Variants in FER1L6 observed in about 807,000 individuals in gnomAD.
FER1L6 encodes the protein fer-1 like family member 6.
FER1L6 carries 177 observed loss-of-function variants against 219.2 expected under a neutral mutation model. That is an observed-to-expected ratio of 0.81 (90% CI 0.71 to 0.91). FER1L6 has a LOEUF of 0.91. FER1L6 is among the 40% of genes least tolerant of loss of function. The pLI, the probability that FER1L6 is intolerant of heterozygous loss-of-function variation, is 0.00. For missense variants in FER1L6, 2,153 were observed against 2,259.9 expected (o/e 0.95, Z 0.96); for synonymous variants, 768 against 824.3 (o/e 0.93, Z 1.17).
At chr8:124,064,956 AAC>A (rs895394905) in intron 26 of FER1L6, among the ~76,000 whole-genome samples, 1 of 152,254 alleles carries the variant, frequency 6.6e-6, no homozygotes. Context: ...AGAGGAGGAA[AAC>A]AGTTAGTGAC....
Position 124,082,367 on chromosome 8 carries a change from G to T in FER1L6, c.4300G>T (p.Asp1434Tyr). 6.2e-7 allele frequency: 1 copy of T among 1,614,096 alleles called. No homozygotes were observed. The highest frequency in any genetic ancestry group is 8.5e-7 in the Non-Finnish European group (1 of 1,179,952). ...CTATGACCATGACATGATTGGCACA[G>T]ATGACCTTATTGGTGAGACCAAGAT... ...LIYDHDMIGT[D>Y]DLIGETKIDL... Residue 1434 changes from aspartate (D) to tyrosine (Y), a missense_variant, in exon 33 of 41, where the codon GAT becomes TAT. By Grantham distance (160) the Asp-to-Tyr change is radical. Transcript: ENST00000522917.
intron 1 of FER1L6, among the ~76,000 whole-genome samples, chr8:123,919,951 G>C (rs74480748): frequency 0.038 from 5,849 of 152,284 alleles, 347 homozygotes; most frequent in African/African-American, 0.13. Context: ...GTGGGAGGAG[G>C]AGGAGGAACA....
intron 12 of FER1L6, among the ~76,000 whole-genome samples, chr8:123,989,092 G>A (rs1816733443): frequency 1.3e-5 from 2 of 152,210 alleles, no homozygotes; most frequent in South Asian, 4.1e-4. Context: ...ATGATCATAT[G>A]GTTTTTGTCC....
At chr8:123,995,250 T>A (rs989605811) in intron 12 of FER1L6, among the ~76,000 whole-genome samples, 1 of 152,192 alleles carries the variant, frequency 6.6e-6, no homozygotes, top group Admixed American at 6.5e-5. Context: ...TTGAAAAAAC[T>A]TGTGTTTTTC....
intron 1 of FER1L6, among the ~76,000 whole-genome samples, chr8:123,917,546 A>G (rs1331691079): frequency 1.3e-5 from 2 of 152,192 alleles, no homozygotes; most frequent in Non-Finnish European, 2.9e-5. Flanking sequence ...CGTGTTCCAG[A>G]TGTTATCTCC....
At chr8:124,026,347 A>G (rs906141090) in intron 18 of FER1L6, among the ~76,000 whole-genome samples, 1 of 152,196 alleles carries the variant, frequency 6.6e-6, no homozygotes, top group African/African-American at 2.4e-5. Flanking sequence ...GCTATAAAAT[A>G]ATTATTCCTT....
chr8:124,039,983 C>T lies in FER1L6; in HGVS notation c.2566C>T (p.Leu856Phe), dbSNP rs761214279. 1 of 1,614,006 alleles carries T rather than the reference C, an allele frequency of 6.2e-7. No individual in the cohort carries two copies. The highest frequency in any genetic ancestry group is 1.3e-5 in the African/African-American group (1 of 74,922). ...LSDPFAKVTF[L>F]SHCQTTKIIS... ...AGACCCTTTTGCCAAAGTCACGTTC[C>T]TTTCTCACTGCCAGACAACAAAGGT... is the stretch of plus-strand genomic sequence containing the variant. Residue 856 changes from leucine to phenylalanine, a missense_variant, in exon 20 of 41, where the codon CTT (leucine) becomes TTT (phenylalanine). Coordinates refer to ENST00000522917, the MANE Select transcript of FER1L6 (RefSeq NM_001039112.2).
intron 21 of FER1L6, chr8:124,047,682 A>C (rs949020960): frequency 6.6e-6 from 1 of 152,140 alleles, no homozygotes; most frequent in African/African-American, 2.4e-5. Context: ...AATTCAGCTG[A>C]CATTATTGAC....
intron 1 of FER1L6, among the ~76,000 whole-genome samples, chr8:123,904,210 T>C (rs1812909421): frequency 1.5e-5 from 2 of 131,908 alleles, no homozygotes; most frequent in South Asian, 5.0e-4. Context: ...TATTTTAGAA[T>C]AAACTCTGTA....
chr8:123,879,064 T>C (rs1221686060), intron 1 of FER1L6, among the ~76,000 whole-genome samples: 1 of 152,194 alleles, frequency 6.6e-6, no homozygotes, highest in African/African-American at 2.4e-5. Flanking sequence ...AGAAAGTGCC[T>C]AATAATTTTC....
At chr8:124,070,759 C>G (rs1256310936) in intron 30 of FER1L6, among the ~76,000 whole-genome samples, 161 bp downstream of exon 30, 1 of 152,126 alleles carries the variant, frequency 6.6e-6, no homozygotes, top group Admixed American at 6.5e-5. Flanking sequence ...TAGCCCCAGT[C>G]TTTTAAGATA....
intron 1 of FER1L6, among the ~76,000 whole-genome samples, chr8:123,949,697 T>C (rs1461963893): frequency 6.6e-6 from 1 of 152,164 alleles, no homozygotes; most frequent in East Asian, 1.9e-4. Flanking sequence ...TTACTTCCAC[T>C]TGCACATCAG....
intron 8 of FER1L6, 33 bp from the exon 9 acceptor site, chr8:123,975,865 G>T: frequency 6.7e-7 from 1 of 1,501,722 alleles, no homozygotes; most frequent in Middle Eastern, 1.8e-4. Context: ...TCAATTGAGA[G>T]AGCTTTTTCA....
In FER1L6 at chr8:124,072,010, G is replaced by GAGTT. The variant is rs1397188549; in HGVS notation, c.4092+382_4092+385dup. Reference sequence around the variant, plus strand: ...GTGTCTCCAACTACAGTCACCTTAGGAGTTAGGGGTTCAACATATAGGGGT... The same window carrying GAGTT: ...GTGTCTCCAACTACAGTCACCTTAGGAGTTAGTTAGGGGTTCAACATATAGGGGT... On this transcript the variant is annotated intron_variant, in intron 31 of 40. Coordinates refer to ENST00000522917, the MANE Select transcript of FER1L6 (RefSeq NM_001039112.2). 3.9e-5 allele frequency among the ~76,000 whole-genome samples: 6 copies of GAGTT among 152,264 alleles called. No homozygotes were observed. The South Asian group carries it at 1.0e-3, about 26-fold the overall frequency.
Position 123,924,233 on chromosome 8 carries a change from CAAAAAA to C in FER1L6, c.-7-31741_-7-31736del, listed in dbSNP as rs71289625. Reference sequence around the variant, plus strand: ...TTGGGTGACAGAGGAGACTCAGTATCAAAAAAAAAAAAAAAAAAAAAAAGTATATGG... The same window carrying C: ...TTGGGTGACAGAGGAGACTCAGTATCAAAAAAAAAAAAAAAAAGTATATGG... On this transcript the variant is annotated intron_variant, in intron 1 of 40. Coordinates refer to ENST00000522917, the MANE Select transcript of FER1L6 (RefSeq NM_001039112.2). Among the ~76,000 whole-genome samples, 229 of 66,960 alleles carry C rather than the reference CAAAAAA, an allele frequency of 3.4e-3. 1 individual carries two copies. Among genetic ancestry groups the C allele is most frequent in the South Asian group, 0.028 (41 of 1,482 alleles). The allele number at this position is 66,960 out of a possible 152,430, so 43.9% of individuals were successfully genotyped here. A position where few individuals can be genotyped will look rare whatever the true frequency, so the allele number is the denominator to read the frequency against.
chr8:124,069,394 A>T lies in FER1L6; in HGVS notation c.3753A>T (p.Glu1251Asp), dbSNP rs778837011. 6.2e-7 allele frequency: 1 copy of T among 1,613,026 alleles called. No individual in the cohort carries two copies. Among genetic ancestry groups the T allele is most frequent in the Non-Finnish European group, 8.5e-7 (1 of 1,179,676 alleles). Residue 1251 changes from glutamate to aspartate, a missense_variant, in exon 29 of 41, where the codon GAA becomes GAT. Glu to Asp is a conservative substitution (Grantham distance 45, BLOSUM62 2). Transcript: ENST00000522917. ...AKPDEVVVDI[E>D]DGPKKKKDKM... ...CAGATGAGGTAGTGGTAGATATAGA[A>T]GATGGGCCAAAGAAGAAGAAAGACA...
At chr8:124,086,939 T>G (rs1821810560) in intron 33 of FER1L6, among the ~76,000 whole-genome samples, 1 of 152,222 alleles carries the variant, frequency 6.6e-6, no homozygotes, top group Non-Finnish European at 1.5e-5. Context: ...AGGTTTCCAC[T>G]GAGAAGTCTG....
chr8:123,872,503 G>GA (rs1435260055), intron 1 of FER1L6, among the ~76,000 whole-genome samples: 10 of 152,260 alleles, frequency 6.6e-5, no homozygotes, highest in African/African-American at 2.4e-4. Context: ...TGCTGGAGCG[G>GA]AAGTAATACA....
intron 1 of FER1L6, among the ~76,000 whole-genome samples, chr8:123,931,612 A>G (rs1044227567): frequency 6.6e-6 from 1 of 152,218 alleles, no homozygotes; most frequent in Non-Finnish European, 1.5e-5. Context: ...CTGCAAAGAC[A>G]ATGTATTTTT....
Sources: gnomAD v4.1 joint callset for allele counts (sites outside exome capture counted in the v4.1 genomes callset) on GRCh38, gnomAD v4.1.1 for gene constraint, MANE v1.5 for transcripts, NCBI Gene and HGNC (gene_info 2026-07-23, HGNC 2026-07-21) for gene names.